Variants in ARHGAP6 observed in about 807,000 individuals in gnomAD.
The protein encoded by ARHGAP6 is Rho GTPase activating protein 6, also known as rho GTPase-activating protein 6.
A neutral mutation model predicts 55.7 loss-of-function variants in ARHGAP6; 16 were observed. The ratio of observed to expected loss-of-function variants is 0.29; its 90% CI spans 0.19 to 0.44. The LOEUF (loss-of-function observed/expected upper bound fraction) is 0.44. Ranked by LOEUF, ARHGAP6 falls within the 20% of genes least tolerant of loss-of-function variation. The pLI is 1.00. For synonymous variants in ARHGAP6, 382 were observed against 360.9 expected, an observed-to-expected ratio of 1.06 and a Z score of -0.66; for missense variants, 698 against 808.9, an observed-to-expected ratio of 0.86 and a Z score of 1.66.
intron 1 of ARHGAP6, among the ~76,000 whole-genome samples, chrX:11,582,492 T>C (rs1021333286): frequency 4.5e-5 from 5 of 112,336 alleles, no homozygotes; most frequent in Non-Finnish European, 9.4e-5. Context: ...CCAGCCCTTT[T>C]TTATTGGAAA....
intron 1 of ARHGAP6, among the ~76,000 whole-genome samples, chrX:11,581,461 A>G (rs1462964398): frequency 8.9e-6 from 1 of 111,958 alleles, no homozygotes; most frequent in African/African-American, 3.2e-5. Flanking sequence ...AAAAATGTGT[A>G]CATGAATGTT....
intron 1 of ARHGAP6, among the ~76,000 whole-genome samples, chrX:11,343,988 GTTGTT>G (rs1186217636): frequency 8.9e-6 from 1 of 111,839 alleles, no homozygotes; most frequent in Non-Finnish European, 1.9e-5. Flanking sequence ...CATTGTAAAT[GTTGTT>G]TTGAAGAACA....
intron 1 of ARHGAP6, among the ~76,000 whole-genome samples, chrX:11,510,885 A>G (rs1253410483): frequency 8.9e-6 from 1 of 112,048 alleles, no homozygotes; most frequent in African/African-American, 3.2e-5. Flanking sequence ...AAACACAGCC[A>G]TTCTTATTTA....
chrX:11,270,723 T>C (rs2047682864), intron 1 of ARHGAP6, among the ~76,000 whole-genome samples: 1 of 111,594 alleles, frequency 9.0e-6, no homozygotes, highest in Admixed American at 9.5e-5. Flanking sequence ...GCTCTACCTG[T>C]GGAATGAACT....
intron 1 of ARHGAP6, among the ~76,000 whole-genome samples, chrX:11,522,282 A>G (rs2050938050): frequency 9.0e-6 from 1 of 111,487 alleles, no homozygotes; most frequent in Non-Finnish European, 1.9e-5. Flanking sequence ...AAGAGAAAGC[A>G]GGAAAGATCT....
At chrX:11,231,033 C>A (rs1460993055) in intron 2 of ARHGAP6, among the ~76,000 whole-genome samples, 2 of 111,308 alleles carry the variant, frequency 1.8e-5, no homozygotes, top group African/African-American at 6.5e-5. Flanking sequence ...GTGCTATAGC[C>A]CCTGTTTTAT....
chrX:11,185,311 A>T (rs1377106726), intron 5 of ARHGAP6, among the ~76,000 whole-genome samples: 6 of 111,951 alleles, frequency 5.4e-5, no homozygotes, highest in African/African-American at 1.9e-4. Context: ...ATTTTGCTAC[A>T]TTAGTTTTAT....
chrX:11,225,710 G>C (rs2047035976), intron 2 of ARHGAP6: 1 of 661,707 alleles, frequency 1.5e-6, no homozygotes, highest in Non-Finnish European at 2.3e-6. Flanking sequence ...AACAAGATGG[G>C]AAAGGAACTG....
At chrX:11,518,761 T>C in intron 1 of ARHGAP6, among the ~76,000 whole-genome samples, 1 of 98,685 alleles carries the variant, frequency 1.0e-5, no homozygotes, top group African/African-American at 3.8e-5. Flanking sequence ...ATTAGGTATA[T>C]CTCCTAATGC....
At chrX:11,214,888 A>C (rs2046857273) in intron 2 of ARHGAP6, among the ~76,000 whole-genome samples, 1 of 113,000 alleles carries the variant, frequency 8.8e-6, no homozygotes, top group Admixed American at 9.2e-5. Flanking sequence ...CATGGTGGGG[A>C]GGCGGGGAAA....
chrX:11,393,370 A>G (rs1326636417), intron 1 of ARHGAP6, among the ~76,000 whole-genome samples: 4 of 111,726 alleles, frequency 3.6e-5, no homozygotes, highest in Non-Finnish European at 5.7e-5. Context: ...GATAATAATA[A>G]TATAACTAAC....
At chrX:11,554,212 T>C (rs764887501) in intron 1 of ARHGAP6, among the ~76,000 whole-genome samples, 3 of 111,764 alleles carry the variant, frequency 2.7e-5, no homozygotes, top group Non-Finnish European at 5.6e-5. Context: ...AAATACCACA[T>C]GTTCTCACTC....
At chrX:11,658,436 G>A (rs1263131681) in intron 1 of ARHGAP6, among the ~76,000 whole-genome samples, 2 of 111,036 alleles carry the variant, frequency 1.8e-5, no homozygotes, top group Non-Finnish European at 3.8e-5. Flanking sequence ...ACTGATTTCA[G>A]ACAAAAATCC....
chrX:11,252,061 G>A (rs902352576), intron 2 of ARHGAP6, among the ~76,000 whole-genome samples: 2 of 112,256 alleles, frequency 1.8e-5, no homozygotes, highest in Non-Finnish European at 3.8e-5. Context: ...TTCTCTGGAT[G>A]TGCGGATAAC....
chrX:11,144,927 A>G (rs943202293), intron 10 of ARHGAP6: 2 of 113,126 alleles, frequency 1.8e-5, no homozygotes, highest in Non-Finnish European at 3.7e-5. Flanking sequence ...GTGCTTTTAC[A>G]AACTGATATG....
intron 1 of ARHGAP6, among the ~76,000 whole-genome samples, chrX:11,343,536 A>G: frequency 8.9e-6 from 1 of 112,347 alleles, no homozygotes; most frequent in Non-Finnish European, 1.9e-5. Flanking sequence ...GTTAATATTC[A>G]TTTGAAATGC....
chrX:11,267,797 T>C (rs1358028204), intron 1 of ARHGAP6, among the ~76,000 whole-genome samples: 4 of 111,981 alleles, frequency 3.6e-5, no homozygotes, highest in Non-Finnish European at 7.5e-5. Context: ...ATGGAGAAGG[T>C]GTGTATATTT....
chrX:11,384,589 G>A (rs982469185), intron 1 of ARHGAP6, among the ~76,000 whole-genome samples: 2 of 112,344 alleles, frequency 1.8e-5, no homozygotes, highest in African/African-American at 6.5e-5. Flanking sequence ...CTAAGTTCCA[G>A]GAGGTCAAAG....
intron 1 of ARHGAP6, among the ~76,000 whole-genome samples, chrX:11,371,640 T>C (rs918815330): frequency 6.2e-5 from 7 of 112,608 alleles, no homozygotes; most frequent in African/African-American, 2.3e-4. Context: ...CTTTGGTATA[T>C]GGTTAATCAC....
Sources: allele counts gnomAD v4.1 joint callset (sites outside exome capture counted in the v4.1 genomes callset), GRCh38; gene constraint gnomAD v4.1.1; transcripts MANE v1.5; gene names NCBI Gene and HGNC (gene_info 2026-07-23, HGNC 2026-07-21).